The following GRB2 variants were observed in gnomAD, a reference collection of about 807,000 sequenced individuals.
The protein encoded by GRB2 is growth factor receptor bound protein 2.
A neutral mutation model predicts 27.4 loss-of-function variants in GRB2; 2 were observed. That is an observed-to-expected ratio of 0.07 (90% CI 0.03 to 0.23). GRB2 has a LOEUF of 0.23. Ranked by LOEUF, GRB2 falls within the 10% of genes least tolerant of loss-of-function variation. The pLI is 1.00. For synonymous variants in GRB2, 94 were observed against 99.6 expected, an observed-to-expected ratio of 0.94 and a Z score of 0.33; for missense variants, 102 against 282.4, an observed-to-expected ratio of 0.36 and a Z score of 4.58.
At chr17:75,350,543 G>C (rs1374628720) in intron 2 of GRB2, among the ~76,000 whole-genome samples, 1 of 152,192 alleles carries the variant, frequency 6.6e-6, no homozygotes, top group Non-Finnish European at 1.5e-5. Context: ...ACAGGCTGGA[G>C]TGCAGTGGCG....
At chr17:75,328,359 G>C (rs2078514490) in intron 3 of GRB2, among the ~76,000 whole-genome samples, 1 of 151,754 alleles carries the variant, frequency 6.6e-6, no homozygotes, top group African/African-American at 2.4e-5. Flanking sequence ...AAAAAAGGAG[G>C]CTGGGTGCGG....
intron 3 of GRB2, among the ~76,000 whole-genome samples, chr17:75,328,689 A>G (rs2078517447): frequency 2.6e-5 from 4 of 152,088 alleles, no homozygotes; most frequent in Admixed American, 1.3e-4. Context: ...CTGTAATCCC[A>G]GCACTTTGGG....
chr17:75,329,054 C>G (rs1407936065), intron 3 of GRB2, among the ~76,000 whole-genome samples: 1 of 152,084 alleles, frequency 6.6e-6, no homozygotes, highest in Non-Finnish European at 1.5e-5. Flanking sequence ...TCGGGGGGCC[C>G]TGGGTTTCTA....
intron 2 of GRB2, among the ~76,000 whole-genome samples, chr17:75,380,473 A>G (rs113738862): frequency 1.3e-5 from 2 of 152,284 alleles, no homozygotes; most frequent in Admixed American, 6.5e-5. Flanking sequence ...ATATTGCAGT[A>G]TATGTGAGTA....
At position 75,320,317 on chromosome 17, in the gene GRB2, T is replaced by C; in HGVS notation, c.*51A>G. 1 of 1,488,254 alleles carries C rather than the reference T, an allele frequency of 6.7e-7. No homozygotes were observed. The highest frequency in any genetic ancestry group is 9.4e-7 in the Non-Finnish European group (1 of 1,066,550). The allele number at this position is 1,488,254 out of a possible 1,614,324, so 92.2% of individuals were successfully genotyped here. The stretch of plus-strand genomic sequence containing the variant: ...GAGGCAGCTTGTGGGTTTAATTCTT[T>C]TGTATGTGTTTTACATTTTTCACTT... On this transcript the variant is annotated 3_prime_UTR_variant, in exon 6 of 6. Transcript: ENST00000316804. The surrounding 1 kb of genome is among the most constrained non-coding windows in gnomAD (Gnocchi z 4.3).
At chr17:75,328,434 A>G (rs1234884236) in intron 3 of GRB2, among the ~76,000 whole-genome samples, 1 of 151,840 alleles carries the variant, frequency 6.6e-6, no homozygotes, top group Admixed American at 6.6e-5. Context: ...TGAGGTCAGG[A>G]GTTCGAGACC....
At chr17:75,337,858 G>A (rs1235425043) in intron 2 of GRB2, among the ~76,000 whole-genome samples, 3 of 108,100 alleles carry the variant, frequency 2.8e-5, no homozygotes, top group South Asian at 2.9e-4. Flanking sequence ...GAGCCACTGC[G>A]CCCGGCCTAC....
chr17:75,402,001 A>G (rs2079067134), intron 1 of GRB2, among the ~76,000 whole-genome samples: 1 of 152,250 alleles, frequency 6.6e-6, no homozygotes, highest in Non-Finnish European at 1.5e-5. Flanking sequence ...TGAAACCATC[A>G]TCAGTTGAAA....
intron 1 of GRB2, among the ~76,000 whole-genome samples, chr17:75,402,525 G>C (rs1468400007): frequency 6.6e-6 from 1 of 152,188 alleles, no homozygotes; most frequent in African/African-American, 2.4e-5. Flanking sequence ...CCACACAGCA[G>C]TCTTATTATT....
chr17:75,377,742 A>G (rs1681024313), intron 2 of GRB2, among the ~76,000 whole-genome samples: 2 of 151,628 alleles, frequency 1.3e-5, no homozygotes, highest in African/African-American at 4.9e-5. Flanking sequence ...CCCTGTCTCT[A>G]CTAAAAGTAC....
At chr17:75,355,923 C>T (rs768159060) in intron 2 of GRB2, among the ~76,000 whole-genome samples, 6 of 151,134 alleles carry the variant, frequency 4.0e-5, no homozygotes, top group Non-Finnish European at 7.4e-5. Context: ...CTTCGCCTCC[C>T]GAGTTCAAGC....
At chr17:75,382,769 C>A (rs992137910) in intron 2 of GRB2, among the ~76,000 whole-genome samples, 1 of 152,064 alleles carries the variant, frequency 6.6e-6, no homozygotes, top group African/African-American at 2.4e-5. Context: ...AGTGCGGTGG[C>A]ACTATCTGGG....
Position 75,318,517 on chromosome 17 carries a change from G to A in GRB2, c.*1851C>T, listed in dbSNP as rs2078432275. On this transcript the variant is annotated 3_prime_UTR_variant, in exon 6 of 6. Transcript: ENST00000316804. ...GGGAGGCAGTCTTGTTTTTGTCGTG[G>A]GAAGGGGTTTGGGTGGAGAAAAAGA... The A allele has an allele frequency of 6.6e-6, 1 of 152,270 alleles. No individual in the cohort carries two copies. The highest frequency in any genetic ancestry group is 1.5e-5 in the Non-Finnish European group (1 of 68,112). The allele number at this position is 152,270 out of a possible 1,614,324, so 9.4% of individuals were successfully genotyped here. A position where few individuals can be genotyped will look rare whatever the true frequency, so the allele number is the denominator to read the frequency against.
chr17:75,358,700 T>TG (rs1491346469), intron 2 of GRB2, among the ~76,000 whole-genome samples: 41 of 66,298 alleles, frequency 6.2e-4, no homozygotes, highest in African/African-American at 1.8e-3. Flanking sequence ...CCATCTCTAC[T>TG]AAAAAAAAAA....
intron 2 of GRB2, among the ~76,000 whole-genome samples, chr17:75,375,343 G>A (rs2078885263): frequency 6.6e-6 from 1 of 151,172 alleles, no homozygotes; most frequent in Admixed American, 6.6e-5. Context: ...TATGAATTAT[G>A]ATGAATTTCA....
chr17:75,360,182 G>A (rs1184690254), intron 2 of GRB2, among the ~76,000 whole-genome samples: 3 of 95,692 alleles, frequency 3.1e-5, no homozygotes, highest in Admixed American at 1.2e-4. Context: ...ACAAGGAAAT[G>A]TGATTATGAT....
chr17:75,346,130 A>C (rs1442107782), intron 2 of GRB2, among the ~76,000 whole-genome samples: 1 of 149,292 alleles, frequency 6.7e-6, no homozygotes, highest in Non-Finnish European at 1.5e-5. Context: ...TGGTGATGAG[A>C]TGCTGCTCAG....
intron 2 of GRB2, among the ~76,000 whole-genome samples, chr17:75,370,419 T>A (rs139588111): frequency 6.6e-6 from 1 of 152,236 alleles, no homozygotes; most frequent in Non-Finnish European, 1.5e-5. Context: ...GACTTCAATA[T>A]CTTGTTCGGT....
intron 2 of GRB2, among the ~76,000 whole-genome samples, chr17:75,344,936 C>T (rs1667028068): frequency 6.6e-6 from 1 of 152,076 alleles, no homozygotes; most frequent in African/African-American, 2.4e-5. Context: ...CAGTTCCACC[C>T]TCTAAGGTCT....
Sources: allele counts gnomAD v4.1 joint callset (sites outside exome capture counted in the v4.1 genomes callset), GRCh38; gene constraint gnomAD v4.1.1; non-coding constraint Gnocchi (gnomAD v3.1); transcripts MANE v1.5; gene names NCBI Gene and HGNC (gene_info 2026-07-23, HGNC 2026-07-21).